The following MICB variants were observed in gnomAD, a reference collection of about 807,000 sequenced individuals.
MICB encodes the protein MHC class I polypeptide-related sequence B.
In MICB, 27 loss-of-function variants were observed where a neutral mutation model predicts 34.3. That is an observed-to-expected ratio of 0.79 (90% CI 0.58 to 1.08). The LOEUF is 1.08. Among genes scored for constraint, MICB ranks in the 50% least tolerant of loss-of-function variants. The pLI, the probability that MICB is intolerant of heterozygous loss-of-function variation, is 0.00. For missense variants in MICB, 426 were observed against 483.1 expected, an observed-to-expected ratio of 0.88 and a Z score of 1.11; for synonymous variants, 153 against 187.4, an observed-to-expected ratio of 0.82 and a Z score of 1.50.
At chr6:31,508,502 C>T (rs577796111) in intron 5 of MICB, among the ~76,000 whole-genome samples, 28 of 152,256 alleles carry the variant, frequency 1.8e-4, no homozygotes, top group African/African-American at 6.5e-4. Context: ...CACTGTCAGT[C>T]GGCCCCTCAT....
chr6:31,505,936 G>A, intron 2 of MICB, 65 bp downstream of exon 2: 1 of 1,526,656 alleles, frequency 6.6e-7, no homozygotes, highest in Non-Finnish European at 8.8e-7. Context: ...ACAGAGAGCA[G>A]GGACCTGTCT....
chr6:31,508,195 A>G (rs971765181), intron 5 of MICB, among the ~76,000 whole-genome samples: 3 of 152,184 alleles, frequency 2.0e-5, no homozygotes, highest in African/African-American at 7.2e-5. Context: ...CCTGAGGGAC[A>G]CAGTCCCCAG....
chr6:31,506,297 C>T lies in MICB; in HGVS notation c.480C>T (p.Thr160=). 1 of 1,614,234 alleles carries T rather than the reference C, an allele frequency of 6.2e-7. No individual in the cohort carries two copies. The highest frequency in any genetic ancestry group is 8.5e-7 in the Non-Finnish European group (1 of 1,180,042). The change falls in exon 3 of 6, where the codon ACC becomes ACT. Residue 160 remains threonine, a synonymous_variant. Coordinates refer to ENST00000252229, the MANE Select transcript of MICB (RefSeq NM_005931.5). ...TGCCCCAGTCCTCCAGAGCTCAGACCTTGGCTATGAACGTCACAAATTTCT... is the reference window on the plus strand; with the variant it reads ...TGCCCCAGTCCTCCAGAGCTCAGACTTTGGCTATGAACGTCACAAATTTCT... ...STVPQSSRAQ[T]LAMNVTNFWK...
upstream of MICB, among the ~76,000 whole-genome samples, chr6:31,496,004 G>A (rs989005769): frequency 6.6e-6 from 1 of 152,184 alleles, no homozygotes; most frequent in Non-Finnish European, 1.5e-5. Flanking sequence ...ACTACACATC[G>A]GAATCACGTA....
chr6:31,503,369 C>T (rs1223211410), intron 1 of MICB, among the ~76,000 whole-genome samples: 2 of 152,044 alleles, frequency 1.3e-5, no homozygotes, highest in Non-Finnish European at 2.9e-5. Flanking sequence ...CTGTTTTAAC[C>T]GCTTTTAAGT....
chr6:31,496,390 G>T, upstream of MICB, among the ~76,000 whole-genome samples: 1 of 136,338 alleles, frequency 7.3e-6, no homozygotes. Context: ...TTTTTGAGGC[G>T]GAGCCTTGCT....
chr6:31,496,366 C>CTTTTTTTTTT (rs3034154), upstream of MICB, among the ~76,000 whole-genome samples: 18 of 121,632 alleles, frequency 1.5e-4, no homozygotes, highest in East Asian at 2.3e-4. Flanking sequence ...TCCTTTTTTT[C>CTTTTTTTTTT]TTTTTTTTTT....
chr6:31,506,983 G>A (rs1014978358), intron 3 of MICB, 39 bp from the exon 4 acceptor site: 1 of 1,592,444 alleles, frequency 6.3e-7, no homozygotes, highest in African/African-American at 1.3e-5. Context: ...TCCCTTAGAG[G>A]GGAGCAGGGC....
rs1765428977 is a variant in MICB, at chr6:31,507,579, C to T, written c.1024+48C>T. The T allele has an allele frequency of 1.2e-6, 2 of 1,610,148 alleles. No homozygotes were observed. Among genetic ancestry groups the T allele is most frequent in the African/African-American group, 1.3e-5 (1 of 74,808 alleles). The stretch of plus-strand genomic sequence containing the variant: ...GGAGATGGGAAAGCTCCTTTCTAGG[C>T]AGTAGGGTCTCCTCATTGCTCCTGC... On this transcript the variant is annotated intron_variant, in intron 5 of 5. Transcript: ENST00000252229. The surrounding 1 kb of genome is among the most constrained non-coding windows in gnomAD (Gnocchi z 6.0).
At chr6:31,500,012 G>A (rs1180435731) in intron 1 of MICB, among the ~76,000 whole-genome samples, 2 of 132,618 alleles carry the variant, frequency 1.5e-5, no homozygotes, top group Non-Finnish European at 3.1e-5. Context: ...TGCTCATGCC[G>A]CCCTCCAGTT....
At chr6:31,509,174 G>A (rs566009478) in intron 5 of MICB, among the ~76,000 whole-genome samples, 3 of 152,320 alleles carry the variant, frequency 2.0e-5, no homozygotes, top group African/African-American at 7.2e-5. Flanking sequence ...TGAAGGTCAT[G>A]GGAGGCCAGG....
upstream of MICB, among the ~76,000 whole-genome samples, chr6:31,495,431 T>C (rs9267354): frequency 0.34 from 51,304 of 151,706 alleles, 8,815 homozygotes; most frequent in East Asian, 0.46. Flanking sequence ...TCTTTAGCAG[T>C]GAAAATAATC....
At chr6:31,499,269 A>G (rs1462003678) in intron 1 of MICB, among the ~76,000 whole-genome samples, 5 of 151,554 alleles carry the variant, frequency 3.3e-5, no homozygotes, top group Admixed American at 6.6e-5. Context: ...CTAATGACCA[A>G]TGATCTAAGG....
At chr6:31,501,707 G>A (rs1160621889) in intron 1 of MICB, among the ~76,000 whole-genome samples, 1 of 152,114 alleles carries the variant, frequency 6.6e-6, no homozygotes, top group African/African-American at 2.4e-5. Context: ...CCCTGTATGT[G>A]TTCTTGGTAA....
rs1582889242 is a variant in MICB at position 31,511,061 on chromosome 6, A to C, written c.*1152A>C. On this transcript the variant is annotated 3_prime_UTR_variant, in exon 6 of 6. Transcript: ENST00000252229. ...CCCTCGCCCCGTCACACCGTTATGCATTACTCTGTGTCTACTATTATGTGT... is the reference window on the plus strand; with the variant it reads ...CCCTCGCCCCGTCACACCGTTATGCCTTACTCTGTGTCTACTATTATGTGT... The C allele has an allele frequency of 6.6e-6, 1 of 152,292 alleles. No individual in the cohort carries two copies. Among genetic ancestry groups the C allele is most frequent in the South Asian group, 2.1e-4 (1 of 4,828 alleles). 9.4% of individuals were successfully genotyped at this position (152,292 alleles called of 1,614,324 possible). A position where few individuals can be genotyped will look rare whatever the true frequency, so the allele number is the denominator to read the frequency against.
chr6:31,509,987 A>T lies in MICB; in HGVS notation c.*78A>T. 1 of 1,370,920 alleles carries T rather than the reference A, an allele frequency of 7.3e-7. No homozygotes were observed. Among genetic ancestry groups the T allele is most frequent in the East Asian group, 2.6e-5 (1 of 38,356 alleles). The allele number at this position is 1,370,920 out of a possible 1,614,324, so 84.9% of individuals were successfully genotyped here. A position where few individuals can be genotyped will look rare whatever the true frequency, so the allele number is the denominator to read the frequency against. On this transcript the variant is annotated 3_prime_UTR_variant, in exon 6 of 6. Transcript: ENST00000252229. Reference sequence around the variant, plus strand: ...CTTTCCCTCTGTTTCCTGACCTATGAAACAGAGAAAATAACATCACTTATT... The same window carrying T: ...CTTTCCCTCTGTTTCCTGACCTATGTAACAGAGAAAATAACATCACTTATT...
rs1470759073 is a variant in MICB, at chr6:31,506,271, G to A, written c.454G>A (p.Val152Met). 3 of 1,614,212 alleles carry A rather than the reference G, an allele frequency of 1.9e-6. No homozygotes were observed. The highest frequency in any genetic ancestry group is 2.2e-5 in the East Asian group (1 of 44,884). The change falls in exon 3 of 6, where the codon GTG (valine) becomes ATG (methionine). Residue 152 changes from valine (V) to methionine (M), a missense_variant. Val to Met is a conservative substitution (Grantham distance 21). Transcript: ENST00000252229. The part of the protein sequence containing the change: ...SQNLETQEST[V>M]PQSSRAQTLA... ...AAACCTGGAGACTCAAGAATCGACA[G>A]TGCCCCAGTCCTCCAGAGCTCAGAC...
rs1371417972 is a variant in MICB, at chr6:31,503,986, T to TGTGTGTGTGTGTG, written c.71-1630_71-1629insTGTGTGTGTGTGG. Among the ~76,000 whole-genome samples, 331 of 147,884 alleles carry TGTGTGTGTGTGTG rather than the reference T, an allele frequency of 2.2e-3. 1 individual carries two copies. The highest frequency in any genetic ancestry group is 5.0e-3 in the African/African-American group (197 of 39,798). On this transcript the variant is annotated intron_variant, in intron 1 of 5. Coordinates refer to ENST00000252229, the MANE Select transcript of MICB (RefSeq NM_005931.5). Reference sequence around the variant, plus strand: ...GTGTGTGTGTGTGTGTGTGTGTGTGTGATAATAGCCACCCTGATTGGTTTG... The same window carrying TGTGTGTGTGTGTG: ...GTGTGTGTGTGTGTGTGTGTGTGTGTGTGTGTGTGTGTGGATAATAGCCACCCTGATTGGTTTG...
At chr6:31,498,705 G>C (rs1764838854) in intron 1 of MICB, 1 of 154,988 alleles carries the variant, frequency 6.5e-6, no homozygotes, top group Non-Finnish European at 1.4e-5. Flanking sequence ...CTGACCTCGT[G>C]ATCCGCCCGC....
Sources: allele counts gnomAD v4.1 joint callset (sites outside exome capture counted in the v4.1 genomes callset), GRCh38; gene constraint gnomAD v4.1.1; non-coding constraint Gnocchi (gnomAD v3.1); transcripts MANE v1.5; gene names NCBI Gene and HGNC (gene_info 2026-07-23, HGNC 2026-07-21).